Variants in ANXA4 observed in about 807,000 individuals in gnomAD.
ANXA4 encodes the protein 35-beta calcimedin.
ANXA4 carries 39 observed loss-of-function variants against 49.8 expected under a neutral mutation model. The observed-to-expected ratio is 0.78, with a 90% CI of 0.61 to 1.02. The LOEUF (loss-of-function observed/expected upper bound fraction) is 1.02. Among genes scored for constraint, ANXA4 ranks in the 50% least tolerant of loss-of-function variants. The pLI is 0.00. For missense variants in ANXA4, 360 were observed against 410.1 expected (o/e 0.88, Z 1.05); for synonymous variants, 134 against 152.5 (o/e 0.88, Z 0.89).
intron 2 of ANXA4, among the ~76,000 whole-genome samples, chr2:69,694,639 T>C (rs1030922188): frequency 6.6e-6 from 1 of 150,970 alleles, no homozygotes; most frequent in Non-Finnish European, 1.5e-5. Flanking sequence ...TTTTTTGTCC[T>C]TGCGATAGTT....
intron 2 of ANXA4, among the ~76,000 whole-genome samples, chr2:69,681,368 T>C (rs2105357717): frequency 6.8e-6 from 1 of 147,886 alleles, no homozygotes; most frequent in Admixed American, 6.8e-5. Flanking sequence ...CATTTCTGAT[T>C]TTTTTTTTTT....
chr2:69,676,567 C>T (rs1677420008), intron 2 of ANXA4, among the ~76,000 whole-genome samples: 1 of 152,036 alleles, frequency 6.6e-6, no homozygotes, highest in Non-Finnish European at 1.5e-5. Flanking sequence ...TACATATGTC[C>T]TTTGTAGACA....
chr2:69,814,033 C>T (rs1394361827), intron 8 of ANXA4, among the ~76,000 whole-genome samples: 1 of 152,140 alleles, frequency 6.6e-6, no homozygotes, highest in Non-Finnish European at 1.5e-5. Flanking sequence ...GCCGGGATTA[C>T]AGGCATGAGC....
intron 2 of ANXA4, among the ~76,000 whole-genome samples, chr2:69,680,518 G>A (rs1433381500): frequency 2.6e-5 from 4 of 152,090 alleles, no homozygotes; most frequent in Admixed American, 6.5e-5. Context: ...TGATTGCTCT[G>A]GCTAGGACTT....
chr2:69,689,432 G>C (rs1052543053), intron 2 of ANXA4, among the ~76,000 whole-genome samples: 1 of 151,794 alleles, frequency 6.6e-6, no homozygotes, highest in Non-Finnish European at 1.5e-5. Context: ...TTTCAACCTC[G>C]TCAATCTCAC....
chr2:69,647,802 C>A (rs1207782717), intron 1 of ANXA4, among the ~76,000 whole-genome samples: 1 of 152,094 alleles, frequency 6.6e-6, no homozygotes, highest in Non-Finnish European at 1.5e-5. Flanking sequence ...GGTGATCCTC[C>A]CACCTCAGCC....
intron 2 of ANXA4, among the ~76,000 whole-genome samples, chr2:69,717,867 C>T (rs1451384289): frequency 1.3e-5 from 2 of 152,118 alleles, no homozygotes; most frequent in South Asian, 2.1e-4. Flanking sequence ...AACTAAGAGA[C>T]GTACACAACC....
intron 2 of ANXA4, among the ~76,000 whole-genome samples, chr2:69,709,744 C>T (rs940757778): frequency 2.6e-5 from 4 of 152,196 alleles, no homozygotes; most frequent in African/African-American, 9.7e-5. Context: ...GTCTGTTATG[C>T]AATTAACCAA....
intron 2 of ANXA4, among the ~76,000 whole-genome samples, chr2:69,706,499 G>A (rs7593152): frequency 0.29 from 44,211 of 151,060 alleles, 8,623 homozygotes; most frequent in African/African-American, 0.53. Flanking sequence ...CGGGGGTTTC[G>A]CCAGTTTGGC....
In ANXA4 at chr2:69,816,201, CACTT is replaced by C. The variant is rs757829785; in HGVS notation, c.628+12_628+15del. 53 of 1,612,228 alleles carry C rather than the reference CACTT, an allele frequency of 3.3e-5. No individual in the cohort carries two copies. The African/African-American group carries it at 6.3e-4, about 19-fold the overall frequency. ...CGAAATCACCTGTTGCATGGTAAGG[CACTT>C]ACTTCATTTCCCAAAGAAAAGGAGT... is the stretch of plus-strand genomic sequence containing the variant. On this transcript the variant is annotated splice_region_variant and intron_variant, in intron 9 of 12. Coordinates refer to ENST00000394295, the MANE Select transcript of ANXA4 (RefSeq NM_001153.5).
upstream of ANXA4, among the ~76,000 whole-genome samples, chr2:69,737,632 A>C (rs1017827417): frequency 5.3e-5 from 8 of 151,902 alleles, no homozygotes; most frequent in African/African-American, 1.9e-4. Context: ...GTGTCTCGCT[A>C]TGTCACCCAG....
At chr2:69,764,008 G>C (rs1204338261) in intron 1 of ANXA4, among the ~76,000 whole-genome samples, 1 of 152,084 alleles carries the variant, frequency 6.6e-6, no homozygotes, top group Non-Finnish European at 1.5e-5. Context: ...TAAGACTTAT[G>C]ATTGCTAAGA....
chr2:69,661,068 C>G (rs1676698616), intron 2 of ANXA4, among the ~76,000 whole-genome samples: 1 of 151,694 alleles, frequency 6.6e-6, no homozygotes, highest in Non-Finnish European at 1.5e-5. Flanking sequence ...AAGAAAACAG[C>G]AATTAGACAG....
intron 2 of ANXA4, among the ~76,000 whole-genome samples, chr2:69,717,145 A>C (rs919787291): frequency 6.6e-6 from 1 of 152,224 alleles, no homozygotes; most frequent in Non-Finnish European, 1.5e-5. Context: ...CTGAGGGTGC[A>C]GGAGGTGGCT....
chr2:69,647,069 G>C (rs1676032782), intron 1 of ANXA4, among the ~76,000 whole-genome samples: 1 of 152,210 alleles, frequency 6.6e-6, no homozygotes, highest in Non-Finnish European at 1.5e-5. Context: ...TGCTCACTAT[G>C]CATGCATGTG....
chr2:69,649,196 T>C (rs1676130087), intron 1 of ANXA4, among the ~76,000 whole-genome samples: 1 of 152,128 alleles, frequency 6.6e-6, no homozygotes, highest in Non-Finnish European at 1.5e-5. Flanking sequence ...TAATTTTCTC[T>C]TTTAAACTGA....
chr2:69,695,805 C>A (rs1431447394), intron 2 of ANXA4, among the ~76,000 whole-genome samples: 2 of 152,080 alleles, frequency 1.3e-5, no homozygotes, highest in Admixed American at 1.3e-4. Context: ...TTTTGGTTCC[C>A]AGTGCATAGA....
chr2:69,709,783 T>C (rs1298687114), intron 2 of ANXA4, among the ~76,000 whole-genome samples: 1 of 152,188 alleles, frequency 6.6e-6, no homozygotes, highest in Non-Finnish European at 1.5e-5. Flanking sequence ...GTATCACGAA[T>C]CATTATGCAA....
chr2:69,808,908 C>T (rs1046461126), intron 6 of ANXA4: 7 of 152,072 alleles, frequency 4.6e-5, no homozygotes, highest in Non-Finnish European at 1.0e-4. Context: ...GCAATCTGCC[C>T]ACCTCCGCCT....
Sources: gnomAD v4.1 joint callset for allele counts (sites outside exome capture counted in the v4.1 genomes callset) on GRCh38, gnomAD v4.1.1 for gene constraint, MANE v1.5 for transcripts, NCBI Gene and HGNC (gene_info 2026-07-23, HGNC 2026-07-21) for gene names.